The following COX19 variants were observed in gnomAD, a reference collection of about 807,000 sequenced individuals.
COX19 encodes the protein cytochrome c oxidase assembly protein COX19.
In COX19, 8 loss-of-function variants were observed where a neutral mutation model predicts 6.8. The observed-to-expected ratio is 1.18, with a 90% confidence interval of 0.69 to 2.12. The LOEUF (loss-of-function observed/expected upper bound fraction) is 2.12, where lower values mean the gene tolerates loss of function less well. Among genes scored for constraint, COX19 ranks in the 30% most tolerant of loss-of-function variants. The pLI is 0.00. For missense variants in COX19, 131 were observed against 104.6 expected (o/e 1.25, Z -1.10); for synonymous variants, 51 against 38.0 (o/e 1.34, Z -1.26).
chr7:969,503 C>G, intron 2 of COX19, 47 bp from the exon 3 acceptor site: 3 of 1,230,008 alleles, frequency 2.4e-6, no homozygotes, highest in Non-Finnish European at 3.6e-6. Flanking sequence ...GCAGAGAGGA[C>G]AAGAGGGGCC....
intron 2 of COX19, 52 bp downstream of exon 2, chr7:973,128 AG>A (rs1398764702): frequency 1.3e-5 from 16 of 1,275,300 alleles, no homozygotes; most frequent in South Asian, 1.8e-5. Flanking sequence ...GGAAAAAAAA[AG>A]TTTTAATTGG....
At chr7:974,720 C>T (rs1196601820) in intron 1 of COX19, among the ~76,000 whole-genome samples, 1 of 151,886 alleles carries the variant, frequency 6.6e-6, no homozygotes, top group Non-Finnish European at 1.5e-5. Context: ...GTGCAGTGGC[C>T]CGATCTCGGC....
At chr7:973,040 A>G (rs1443737820) in intron 2 of COX19, 141 bp downstream of exon 2, 15 of 456,394 alleles carry the variant, frequency 3.3e-5, no homozygotes, top group Non-Finnish European at 5.2e-5. Context: ...CTCCATTTCA[A>G]GGGCAAACAA....
intron 1 of COX19, among the ~76,000 whole-genome samples, chr7:973,944 T>C (rs1175355793): frequency 1.5e-3 from 206 of 136,700 alleles, no homozygotes; most frequent in Middle Eastern, 5.0e-3. Context: ...CCAGCCTGGG[T>C]GACAGAGTGA....
rs1583201501 is a variant in COX19, at chr7:967,285, G to A, written c.*2093C>T. 3 of 152,302 alleles carry A rather than the reference G, an allele frequency of 2.0e-5. No homozygotes were observed. Among genetic ancestry groups the A allele is most frequent in the Admixed American group, 2.0e-4 (3 of 15,296 alleles). 9.4% of individuals were successfully genotyped at this position (152,302 alleles called of 1,614,324 possible). On this transcript the variant is annotated 3_prime_UTR_variant, in exon 3 of 3. Coordinates refer to ENST00000344111, the MANE Select transcript of COX19 (RefSeq NM_001031617.3). ...CTGCTGGGGTCTCGGAGCACACCCT[G>A]GCCAGGTGAGGGCGATCACTCCGTT...
At chr7:970,335 A>G (rs922598883) in intron 2 of COX19, among the ~76,000 whole-genome samples, 1 of 151,754 alleles carries the variant, frequency 6.6e-6, no homozygotes, top group African/African-American at 2.4e-5. Context: ...GTGTCTAACC[A>G]TATGGGTCAG....
rs1847541295 is a variant in COX19, at chr7:965,633, C to T, written c.*3745G>A. 1.3e-5 allele frequency among the ~76,000 whole-genome samples: 2 copies of T among 152,196 alleles called. No individual in the cohort carries two copies. Among genetic ancestry groups the T allele is most frequent in the Admixed American group, 1.3e-4 (2 of 15,276 alleles). Reference sequence around the variant, plus strand: ...ACACCTGCTTCACACCACACGTCACCACTCACTTCATGGCAACTGAGGGTT... The same window carrying T: ...ACACCTGCTTCACACCACACGTCACTACTCACTTCATGGCAACTGAGGGTT... On this transcript the variant is annotated 3_prime_UTR_variant, in exon 3 of 3. Transcript: ENST00000344111.
rs58481554 is a variant in COX19 at position 969,956 on chromosome 7, ATTTTTTT to A, written c.195-507_195-501del. 1.0e-4 allele frequency among the ~76,000 whole-genome samples: 12 copies of A among 117,542 alleles called. No homozygotes were observed. The East Asian group carries it at 1.2e-3, about 12-fold the overall frequency. 77.1% of individuals were successfully genotyped at this position (117,542 alleles called of 152,430 possible). ...AGACTCAGGTCGACAGTTATCTGAT[ATTTTTTT>A]TTTTTTTTTTTTTTTTAAGAGACAG... On this transcript the variant is annotated intron_variant, in intron 2 of 2. Transcript: ENST00000344111.
chr7:975,230 A>C, intron 1 of COX19, 198 bp downstream of exon 1: 1 of 434,520 alleles, frequency 2.3e-6, no homozygotes, highest in African/African-American at 2.1e-5. Context: ...CACGGGGGCC[A>C]CGGTCCTGCC....
chr7:970,146 T>A (rs904258574), intron 2 of COX19, among the ~76,000 whole-genome samples: 1 of 151,932 alleles, frequency 6.6e-6, no homozygotes, highest in African/African-American at 2.4e-5. Flanking sequence ...AATTTCTTTT[T>A]TTCTCCCAGA....
At chr7:973,519 TA>T (rs1239281536) in intron 1 of COX19, among the ~76,000 whole-genome samples, 1 of 151,896 alleles carries the variant, frequency 6.6e-6, no homozygotes, top group African/African-American at 2.4e-5. Flanking sequence ...AAAAAAACCT[TA>T]AAAGTTAGCT....
intron 1 of COX19, among the ~76,000 whole-genome samples, chr7:974,142 A>T (rs1341283435): frequency 6.7e-6 from 1 of 149,230 alleles, no homozygotes; most frequent in Non-Finnish European, 1.5e-5. Flanking sequence ...GGTTGCAGTG[A>T]GTCGAGATCA....
chr7:968,069 A>G lies in COX19; in HGVS notation c.*1309T>C, dbSNP rs2048799971. On this transcript the variant is annotated 3_prime_UTR_variant, in exon 3 of 3. Coordinates refer to ENST00000344111, the MANE Select transcript of COX19 (RefSeq NM_001031617.3). ...AGCACTCAGAGGCCTGACAGAGAGC[A>G]GACACGGGACAGTGACAGCTGCAGC... The G allele has an allele frequency of 6.6e-6, 1 of 152,320 alleles. No homozygotes were observed. The highest frequency in any genetic ancestry group is 1.5e-5 in the Non-Finnish European group (1 of 68,086). 9.4% of individuals were successfully genotyped at this position (152,320 alleles called of 1,614,324 possible).
rs761092683 is a variant in COX19 at position 969,110 on chromosome 7, C to G, written c.*268G>C. 1 of 394,242 alleles carries G rather than the reference C, an allele frequency of 2.5e-6. No individual in the cohort carries two copies. Among genetic ancestry groups the G allele is most frequent in the Non-Finnish European group, 4.6e-6 (1 of 219,028 alleles). 24.4% of individuals were successfully genotyped at this position (394,242 alleles called of 1,614,324 possible). A position where few individuals can be genotyped will look rare whatever the true frequency, so the allele number is the denominator to read the frequency against. ...GCCCCATACAAGAGGGCCCCGGCCT[C>G]GAAGACAAGGGTCTTGCCCCACGCT... is the stretch of plus-strand genomic sequence containing the variant. On this transcript the variant is annotated 3_prime_UTR_variant, in exon 3 of 3. Transcript: ENST00000344111.
chr7:972,055 C>T (rs1335202021), intron 2 of COX19, among the ~76,000 whole-genome samples: 1 of 152,166 alleles, frequency 6.6e-6, no homozygotes, highest in Non-Finnish European at 1.5e-5. Context: ...CCTGCTCACA[C>T]CCTCACATGA....
chr7:973,626 C>T (rs547499729), intron 1 of COX19, among the ~76,000 whole-genome samples: 1 of 152,046 alleles, frequency 6.6e-6, no homozygotes, highest in Admixed American at 6.5e-5. Context: ...AGCTTGATCA[C>T]ACCACTGCAC....
chr7:968,852 C>T lies in COX19; in HGVS notation c.*526G>A, dbSNP rs1847595192. ...AAGCTACTTGGTGTTCAGGCAAAAC[C>T]AGAAAGAATCAAGAAGTCAATCCAT... On this transcript the variant is annotated 3_prime_UTR_variant, in exon 3 of 3. Transcript: ENST00000344111. The T allele has an allele frequency of 6.6e-6, 1 of 151,936 alleles. No homozygotes were observed. 9.4% of individuals were successfully genotyped at this position (151,936 alleles called of 1,614,324 possible). A position where few individuals can be genotyped will look rare whatever the true frequency, so the allele number is the denominator to read the frequency against.
rs773233226 is a variant in COX19, at chr7:975,427, C to A, written c.82+1G>T. On this transcript the variant is annotated splice_donor_variant, in intron 1 of 2. Coordinates refer to ENST00000344111, the MANE Select transcript of COX19 (RefSeq NM_001031617.3). LOFTEE classifies it high-confidence loss of function. ...CTGCCCGCCGACCTTCCGCCGCTCA[C>A]CTAAGTGATCCAGCGGGAAGCTGCC... is the stretch of plus-strand genomic sequence containing the variant. The A allele has an allele frequency of 6.3e-7, 1 of 1,592,972 alleles. No homozygotes were observed. The highest frequency in any genetic ancestry group is 8.5e-7 in the Non-Finnish European group (1 of 1,171,838).
At chr7:969,688 G>A (rs975170169) in intron 2 of COX19, among the ~76,000 whole-genome samples, 20 of 152,204 alleles carry the variant, frequency 1.3e-4, no homozygotes, top group African/African-American at 4.6e-4. Context: ...AAGGCCTGGG[G>A]CCTCTTGGGA....
Sources: gnomAD v4.1 joint callset for allele counts (sites outside exome capture counted in the v4.1 genomes callset) on GRCh38, gnomAD v4.1.1 for gene constraint, MANE v1.5 for transcripts, NCBI Gene and HGNC (gene_info 2026-07-23, HGNC 2026-07-21) for gene names.